The following DCLK1 variants were observed in gnomAD, a reference collection of about 807,000 sequenced individuals.
DCLK1 encodes the protein serine/threonine-protein kinase DCLK1.
A neutral mutation model predicts 86.2 loss-of-function variants in DCLK1; 16 were observed. The observed-to-expected ratio is 0.19, with a 90% CI of 0.13 to 0.28. The LOEUF (loss-of-function observed/expected upper bound fraction) is 0.28, where lower values mean the gene tolerates loss of function less well. Among genes scored for constraint, DCLK1 ranks in the 10% least tolerant of loss-of-function variants. The probability of loss-of-function intolerance (pLI) is 1.00; values close to 1 mark genes in which losing one functional copy is unlikely to be tolerated. For synonymous variants in DCLK1, 369 were observed against 370.5 expected (o/e 1.00, Z 0.05); for missense variants, 590 against 940.2 (o/e 0.63, Z 4.87).
At chr13:35,849,635 G>T in intron 6 of DCLK1, 1 of 981,312 alleles carries the variant, frequency 1.0e-6, no homozygotes, top group Non-Finnish European at 1.2e-6. Flanking sequence ...TAGAAGAGCA[G>T]AATTAGTAGG....
Position 35,822,764 on chromosome 13 carries a change from T to G in DCLK1, c.1519A>C (p.Ile507Leu). Reference protein sequence around the residue: ...SAIKYLHSLNIVHRDIKPENL... With the variant: ...SAIKYLHSLNLVHRDIKPENL... Reference sequence around the variant, plus strand: ...TCTGGCTTGATATCACGGTGGACGATGTTCAGGCTATGCAGGTATTTGATG... The same window carrying G: ...TCTGGCTTGATATCACGGTGGACGAGGTTCAGGCTATGCAGGTATTTGATG... Residue 507 changes from isoleucine to leucine, a missense_variant, in exon 11 of 17, where the codon ATC becomes CTC. Around this residue, in one of 6 missense-constraint regions of DCLK1, gnomAD observed 108 missense variants for 195.7 expected, o/e 0.55. Transcript: ENST00000360631. 1.2e-6 allele frequency: 2 copies of G among 1,613,994 alleles called. No individual in the cohort carries two copies. The highest frequency in any genetic ancestry group is 1.7e-6 in the Non-Finnish European group (2 of 1,179,988).
intron 4 of DCLK1, among the ~76,000 whole-genome samples, chr13:35,884,732 T>A (rs548028657): frequency 1.4e-4 from 22 of 152,024 alleles, no homozygotes; most frequent in Non-Finnish European, 2.6e-4. Context: ...TGAGGTCAAG[T>A]GGTCTGGAGG....
chr13:35,930,647 A>G (rs761543624), intron 4 of DCLK1, among the ~76,000 whole-genome samples: 1 of 152,138 alleles, frequency 6.6e-6, no homozygotes, highest in Non-Finnish European at 1.5e-5. Context: ...AAACAAAGCA[A>G]AAACAAAAGA....
intron 3 of DCLK1, among the ~76,000 whole-genome samples, chr13:36,063,194 A>G (rs929474697): frequency 2.6e-5 from 4 of 152,166 alleles, no homozygotes; most frequent in Non-Finnish European, 4.4e-5. Context: ...ATCTCCTCCA[A>G]TGTCACCAGA....
intron 3 of DCLK1, among the ~76,000 whole-genome samples, chr13:35,969,394 A>C (rs1878956636): frequency 6.6e-6 from 1 of 152,136 alleles, no homozygotes; most frequent in Non-Finnish European, 1.5e-5. Context: ...GTGAACATGG[A>C]GGTAGAGATT....
intron 1 of DCLK1, among the ~76,000 whole-genome samples, chr13:36,130,812 T>C (rs1181575876): frequency 6.6e-6 from 1 of 152,076 alleles, no homozygotes; most frequent in African/African-American, 2.4e-5. Context: ...CCATCTCCAC[T>C]AACAACGCGA....
At position 35,774,670 on chromosome 13, in the gene DCLK1, A is replaced by T. The variant is rs1282012564; in HGVS notation, c.2088T>A (p.Val696=). The T allele has an allele frequency of 6.2e-7, 1 of 1,611,972 alleles. No homozygotes were observed. The highest frequency in any genetic ancestry group is 1.3e-5 in the African/African-American group (1 of 74,992). Residue 696 remains valine, a synonymous_variant, in exon 17 of 17, where the codon GTT becomes GTA. Coordinates refer to ENST00000360631, the MANE Select transcript of DCLK1 (RefSeq NM_001330071.2). ...CATCCTGGTTGCGTCTTCGTCGGAAAACCTGCCTCTCCTTATCAAGAGCGG... is the reference window on the plus strand; with the variant it reads ...CATCCTGGTTGCGTCTTCGTCGGAATACCTGCCTCTCCTTATCAAGAGCGG... ...ATTALDKERQ[V]FRRRRNQDVR... is the part of the protein sequence containing the mutation.
chr13:35,860,488 T>C (rs979329468), intron 5 of DCLK1, among the ~76,000 whole-genome samples: 2 of 151,940 alleles, frequency 1.3e-5, no homozygotes. Context: ...ACTGAGACAA[T>C]GGGTCCAATT....
At chr13:35,944,514 C>T (rs558528486) in intron 4 of DCLK1, among the ~76,000 whole-genome samples, 1 of 152,288 alleles carries the variant, frequency 6.6e-6, no homozygotes. Flanking sequence ...AATACATTAG[C>T]GCTAGAACAT....
In DCLK1 at chr13:35,940,220, C is replaced by CAA. The variant is rs35918536; in HGVS notation, c.823+7136_823+7137dup. ...TGGGTGACACAGCAAGAGTCTGTCT[C>CAA]AAAAAAAAAAAAAATAAGTTAGTAT... On this transcript the variant is annotated intron_variant, in intron 4 of 16. Coordinates refer to ENST00000360631, the MANE Select transcript of DCLK1 (RefSeq NM_001330071.2). 4.8e-3 allele frequency among the ~76,000 whole-genome samples: 466 copies of CAA among 98,006 alleles called. 18 individuals are homozygous for CAA. The highest frequency in any genetic ancestry group is 0.012 in the African/African-American group (359 of 29,988). 64.3% of individuals were successfully genotyped at this position (98,006 alleles called of 152,430 possible). A position where few individuals can be genotyped will look rare whatever the true frequency, so the allele number is the denominator to read the frequency against.
At chr13:35,982,254 C>T (rs1439487784) in intron 3 of DCLK1, among the ~76,000 whole-genome samples, 1 of 151,940 alleles carries the variant, frequency 6.6e-6, no homozygotes, top group Non-Finnish European at 1.5e-5. Flanking sequence ...GTGGCACGTG[C>T]CTGTAATCCC....
chr13:36,050,289 A>G (rs993792715), intron 3 of DCLK1, among the ~76,000 whole-genome samples: 1 of 152,184 alleles, frequency 6.6e-6, no homozygotes, highest in Non-Finnish European at 1.5e-5. Flanking sequence ...AACCTCAAAT[A>G]TCTTGATATA....
intron 3 of DCLK1, among the ~76,000 whole-genome samples, chr13:35,982,697 C>T (rs1879718534): frequency 6.6e-6 from 1 of 152,164 alleles, no homozygotes. Context: ...TGTTAAGTTA[C>T]GTCTGTTGCG....
intron 4 of DCLK1, among the ~76,000 whole-genome samples, chr13:35,917,733 TG>T (rs1875510025): frequency 6.6e-6 from 1 of 151,916 alleles, no homozygotes; most frequent in Non-Finnish European, 1.5e-5. Flanking sequence ...TCAAGTACCA[TG>T]GTAACGTGGC....
At chr13:36,127,281 T>G (rs1886221311) in intron 1 of DCLK1, among the ~76,000 whole-genome samples, 1 of 151,934 alleles carries the variant, frequency 6.6e-6, no homozygotes. Context: ...TTCAGAAAAG[T>G]TGAGTTTAAA....
At chr13:35,959,465 G>A (rs1878334268) in intron 3 of DCLK1, among the ~76,000 whole-genome samples, 1 of 152,162 alleles carries the variant, frequency 6.6e-6, no homozygotes, top group African/African-American at 2.4e-5. Context: ...TATAAATGGG[G>A]CAGCTCAACA....
At chr13:35,914,322 A>G (rs955760627) in intron 4 of DCLK1, among the ~76,000 whole-genome samples, 1 of 47,444 alleles carries the variant, frequency 2.1e-5, no homozygotes, top group Non-Finnish European at 3.7e-5. Flanking sequence ...CTTATCTCAG[A>G]AAAAAAAAAA....
intron 10 of DCLK1, among the ~76,000 whole-genome samples, chr13:35,823,486 T>G (rs1027334830): frequency 6.6e-6 from 1 of 152,024 alleles, no homozygotes; most frequent in Non-Finnish European, 1.5e-5. Flanking sequence ...ACCAGAAACT[T>G]CATTTCAAAG....
intron 4 of DCLK1, among the ~76,000 whole-genome samples, chr13:35,918,892 GTTTTTT>G (rs749567335): frequency 1.3e-5 from 1 of 76,310 alleles, no homozygotes; most frequent in Non-Finnish European, 2.5e-5. Flanking sequence ...TTCTGAGTGT[GTTTTTT>G]TTTTTTTTTT....
Sources: allele counts gnomAD v4.1 joint callset (sites outside exome capture counted in the v4.1 genomes callset), GRCh38; gene constraint gnomAD v4.1.1; regional missense constraint gnomAD v4.1.1; transcripts MANE v1.5; gene names NCBI Gene and HGNC (gene_info 2026-07-23, HGNC 2026-07-21).